MAPKAP1: variants seen among roughly 807,000 people sequenced by gnomAD.
The protein encoded by MAPKAP1 is MAPK associated protein 1.
Under a neutral mutation model 65.7 loss-of-function variants are expected in MAPKAP1, and 20 were observed. That is an observed-to-expected ratio of 0.30 (90% CI 0.21 to 0.44). The LOEUF is 0.44. MAPKAP1 is among the 20% of genes least tolerant of loss of function. MAPKAP1 has a pLI of 1.00. For synonymous variants in MAPKAP1, 222 were observed against 244.3 expected, an observed-to-expected ratio of 0.91 and a Z score of 0.85; for missense variants, 423 against 648.0, an observed-to-expected ratio of 0.65 and a Z score of 3.77.
intron 1 of MAPKAP1, among the ~76,000 whole-genome samples, chr9:125,683,779 C>T (rs113171283): frequency 0.02 from 3,108 of 152,236 alleles, 41 homozygotes; most frequent in South Asian, 0.04. Flanking sequence ...GGTAATTTGT[C>T]ATGCAGCAAA....
intron 4 of MAPKAP1, chr9:125,596,019 C>T: frequency 1.3e-6 from 2 of 1,494,076 alleles, no homozygotes; most frequent in Non-Finnish European, 1.8e-6. Flanking sequence ...CACTGAAGAA[C>T]ATCACCTGCG....
intron 10 of MAPKAP1, among the ~76,000 whole-genome samples, chr9:125,458,258 T>C (rs1853274177): frequency 6.6e-6 from 1 of 150,414 alleles, no homozygotes; most frequent in Non-Finnish European, 1.5e-5. Context: ...TGGGTGTTTC[T>C]CGCAGAGTGG....
intron 5 of MAPKAP1, among the ~76,000 whole-genome samples, chr9:125,581,553 G>A (rs1036323955): frequency 2.0e-5 from 3 of 152,054 alleles, no homozygotes; most frequent in African/African-American, 7.2e-5. Flanking sequence ...TTCTACTGTT[G>A]GGTTCTCAGT....
chr9:125,596,318 T>C (rs373563780), intron 4 of MAPKAP1: 18 of 760,688 alleles, frequency 2.4e-5, no homozygotes, highest in South Asian at 5.4e-5. Flanking sequence ...ACTTTGGTCA[T>C]GGAGGAAACT....
At chr9:125,585,500 T>C in intron 5 of MAPKAP1, 55 bp downstream of exon 5, 1 of 1,586,006 alleles carries the variant, frequency 6.3e-7, no homozygotes, top group Non-Finnish European at 8.6e-7. Flanking sequence ...AGAAGACACC[T>C]TGGGTGGCCA....
intron 10 of MAPKAP1, among the ~76,000 whole-genome samples, chr9:125,456,550 A>C (rs563664634): frequency 6.6e-6 from 1 of 152,290 alleles, no homozygotes; most frequent in Non-Finnish European, 1.5e-5. Context: ...GCTTCTAATG[A>C]ATAATATAGC....
chr9:125,509,563 T>C (rs1829241066), intron 7 of MAPKAP1, among the ~76,000 whole-genome samples: 1 of 152,224 alleles, frequency 6.6e-6, no homozygotes, highest in Non-Finnish European at 1.5e-5. Context: ...TCACATGCAG[T>C]AATTTAATCA....
At chr9:125,506,237 C>A (rs774781203) in intron 8 of MAPKAP1, 73 bp downstream of exon 8, 2 of 1,284,234 alleles carry the variant, frequency 1.6e-6, no homozygotes, top group South Asian at 2.4e-5. Flanking sequence ...GACCAGTGAG[C>A]GTTTCCAAAC....
chr9:125,517,687 G>GAGC (rs1285692689), intron 7 of MAPKAP1, among the ~76,000 whole-genome samples: 1 of 152,188 alleles, frequency 6.6e-6, no homozygotes, highest in African/African-American at 2.4e-5. Flanking sequence ...GAAACTGTAG[G>GAGC]AGCATCATAA....
In MAPKAP1 at chr9:125,438,996, T is replaced by G; in HGVS notation, c.1460A>C (p.Glu487Ala). ...AGCCCGGGCAGTGCTAGCTCGCGAT[T>G]CCAGGATGTAGTTAACCTAGAAACA... ...EIVLKVNYIL[E>A]SRASTARADY... Residue 487 changes from glutamate to alanine, a missense_variant, in exon 12 of 12, where the codon GAA becomes GCA. This residue lies in a region of MAPKAP1 where 185 missense variants were observed against 268.1 expected (regional missense o/e 0.69). Coordinates refer to ENST00000265960, the MANE Select transcript of MAPKAP1 (RefSeq NM_001006617.3). The G allele has an allele frequency of 6.2e-7, 1 of 1,613,830 alleles. No homozygotes were observed. Among genetic ancestry groups the G allele is most frequent in the Admixed American group, 1.7e-5 (1 of 60,022 alleles).
chr9:125,563,488 T>G (rs1830953567), intron 5 of MAPKAP1, among the ~76,000 whole-genome samples: 1 of 152,248 alleles, frequency 6.6e-6, no homozygotes, highest in Admixed American at 6.5e-5. Flanking sequence ...CTTTGTGGTC[T>G]TACAAAATTT....
chr9:125,693,518 CAT>C (rs1355497934), intron 1 of MAPKAP1, among the ~76,000 whole-genome samples: 130 of 128,020 alleles, frequency 1.0e-3, no homozygotes, highest in Non-Finnish European at 1.6e-3. Flanking sequence ...CATACACACA[CAT>C]ATATACACAT....
At chr9:125,622,635 AG>A (rs1229842398) in intron 4 of MAPKAP1, among the ~76,000 whole-genome samples, 1 of 151,988 alleles carries the variant, frequency 6.6e-6, no homozygotes, top group African/African-American at 2.4e-5. Context: ...TAGTAGAGAA[AG>A]GGTTTCACCA....
chr9:125,648,856 G>T (rs148861138), intron 4 of MAPKAP1, among the ~76,000 whole-genome samples: 1 of 151,838 alleles, frequency 6.6e-6, no homozygotes, highest in Admixed American at 6.6e-5. Context: ...TAGGAGAATC[G>T]CTTAAACCCG....
chr9:125,627,955 T>A (rs763013829), intron 4 of MAPKAP1, among the ~76,000 whole-genome samples: 8 of 152,216 alleles, frequency 5.3e-5, no homozygotes, highest in Non-Finnish European at 1.2e-4. Flanking sequence ...TGTACCATTT[T>A]ATAATTCTCT....
intron 4 of MAPKAP1, among the ~76,000 whole-genome samples, chr9:125,643,486 C>T (rs867098767): frequency 3.9e-5 from 6 of 152,160 alleles, no homozygotes; most frequent in Non-Finnish European, 5.9e-5. Flanking sequence ...TGAGCCACTG[C>T]GCCTGGCCTA....
intron 7 of MAPKAP1, among the ~76,000 whole-genome samples, chr9:125,535,921 T>C (rs1830062293): frequency 6.6e-6 from 1 of 152,210 alleles, no homozygotes; most frequent in South Asian, 2.1e-4. Context: ...GTCTGCTTTT[T>C]CATTAATCGA....
At chr9:125,635,983 C>G (rs1305360497) in intron 4 of MAPKAP1, among the ~76,000 whole-genome samples, 1 of 152,196 alleles carries the variant, frequency 6.6e-6, no homozygotes, top group Non-Finnish European at 1.5e-5. Context: ...TAGAGCAGCT[C>G]AGTTCAACCT....
At chr9:125,638,550 A>G (rs948042901) in intron 4 of MAPKAP1, among the ~76,000 whole-genome samples, 1 of 152,224 alleles carries the variant, frequency 6.6e-6, no homozygotes, top group African/African-American at 2.4e-5. Flanking sequence ...ATACACTTTA[A>G]TATTTTTCTG....
Sources: allele counts gnomAD v4.1 joint callset (sites outside exome capture counted in the v4.1 genomes callset), GRCh38; gene constraint gnomAD v4.1.1; regional missense constraint gnomAD v4.1.1; transcripts MANE v1.5; gene names NCBI Gene and HGNC (gene_info 2026-07-23, HGNC 2026-07-21).